Variants in PABPC4L observed in about 807,000 individuals in gnomAD.
PABPC4L encodes poly(A) binding protein cytoplasmic 4 like, also known as polyadenylate-binding protein 4-like.
For missense variants in PABPC4L, 452 were observed against 451.4 expected (o/e 1.00, Z -0.01); for synonymous variants, 169 against 164.1 (o/e 1.03, Z -0.23).
the PABPC4L span, among the ~76,000 whole-genome samples, chr4:134,178,519 A>G: frequency 6.6e-6 from 1 of 152,096 alleles, no homozygotes; most frequent in South Asian, 2.1e-4. Flanking sequence ...GCACTCGTTC[A>G]CCAGCAATGG....
the PABPC4L span, among the ~76,000 whole-genome samples, chr4:134,110,242 C>A: frequency 1.3e-5 from 2 of 151,842 alleles, no homozygotes; most frequent in African/African-American, 4.8e-5. Context: ...CTGAATAACT[C>A]TTGGAAAAGA....
the PABPC4L span, among the ~76,000 whole-genome samples, chr4:134,075,195 C>T: frequency 3.3e-5 from 5 of 151,980 alleles, no homozygotes; most frequent in African/African-American, 4.8e-5. Context: ...TTGAAAGTGT[C>T]TGATGTCAAT....
the PABPC4L span, among the ~76,000 whole-genome samples, chr4:134,050,888 T>A: frequency 2.0e-5 from 2 of 100,444 alleles, no homozygotes; most frequent in Admixed American, 1.2e-4. Context: ...TTATTTTTTT[T>A]TTTTTTTTTT....
chr4:133,950,474 A>G, the PABPC4L span, among the ~76,000 whole-genome samples: 46 of 152,280 alleles, frequency 3.0e-4, 1 homozygote, highest in East Asian at 8.1e-3. Context: ...ATAAATCCCT[A>G]TATACCCATA....
chr4:134,142,590 A>T, the PABPC4L span, among the ~76,000 whole-genome samples: 1 of 151,668 alleles, frequency 6.6e-6, no homozygotes, highest in East Asian at 1.9e-4. Flanking sequence ...GTGTAATATA[A>T]TATCACATGT....
chr4:134,187,797 A>T, the PABPC4L span, among the ~76,000 whole-genome samples: 1 of 151,636 alleles, frequency 6.6e-6, no homozygotes, highest in Non-Finnish European at 1.5e-5. Flanking sequence ...TCATTCCTTT[A>T]CTTTTAATTT....
the PABPC4L span, among the ~76,000 whole-genome samples, chr4:133,986,739 CT>C: frequency 7.5e-3 from 1,071 of 143,750 alleles, 9 homozygotes; most frequent in African/African-American, 0.022. Context: ...AGTGAGAAGA[CT>C]TTTTTTTTTT....
the PABPC4L span, among the ~76,000 whole-genome samples, chr4:133,980,966 T>C: frequency 1.3e-5 from 2 of 152,092 alleles, no homozygotes; most frequent in Non-Finnish European, 2.9e-5. Flanking sequence ...GAGACCAACC[T>C]GGCCAATATA....
the PABPC4L span, among the ~76,000 whole-genome samples, chr4:133,977,738 C>T: frequency 1.3e-5 from 2 of 152,086 alleles, no homozygotes; most frequent in African/African-American, 2.4e-5. Context: ...TTGAAAGGCT[C>T]ATGAATGCCA....
chr4:134,040,882 AG>A, the PABPC4L span, among the ~76,000 whole-genome samples: 1 of 152,296 alleles, frequency 6.6e-6, no homozygotes, highest in East Asian at 1.9e-4. Context: ...ACAACAACAA[AG>A]AAACAAAACC....
chr4:134,044,225 C>T, the PABPC4L span, among the ~76,000 whole-genome samples: 1 of 151,852 alleles, frequency 6.6e-6, no homozygotes, highest in Non-Finnish European at 1.5e-5. Flanking sequence ...AGCCACTGCA[C>T]CTGGTCTATA....
the PABPC4L span, among the ~76,000 whole-genome samples, chr4:134,046,596 G>A: frequency 9.9e-5 from 15 of 152,242 alleles, no homozygotes; most frequent in African/African-American, 3.6e-4. Flanking sequence ...TGGTCCAGTC[G>A]TTCCCTTCCC....
At chr4:134,152,944 G>A in the PABPC4L span, among the ~76,000 whole-genome samples, 1 of 152,084 alleles carries the variant, frequency 6.6e-6, no homozygotes, top group African/African-American at 2.4e-5. Flanking sequence ...AAGAGTAGGA[G>A]AGGGGTGATG....
the PABPC4L span, among the ~76,000 whole-genome samples, chr4:134,005,072 T>C: frequency 1.3e-5 from 2 of 151,808 alleles, no homozygotes; most frequent in Admixed American, 6.6e-5. Flanking sequence ...ATAATGATAA[T>C]GTAAATGTAA....
At chr4:134,031,353 C>A in the PABPC4L span, among the ~76,000 whole-genome samples, 1 of 151,864 alleles carries the variant, frequency 6.6e-6, no homozygotes, top group East Asian at 1.9e-4. Context: ...GTATTCATCT[C>A]TTTTAAGATC....
chr4:134,128,710 G>A, the PABPC4L span, among the ~76,000 whole-genome samples: 3 of 151,888 alleles, frequency 2.0e-5, no homozygotes, highest in East Asian at 1.9e-4. Context: ...TCTTCTTAAA[G>A]CATAAATCTC....
the PABPC4L span, among the ~76,000 whole-genome samples, chr4:134,189,296 G>T: frequency 4.9e-3 from 689 of 141,756 alleles, 9 homozygotes; most frequent in African/African-American, 0.018. Context: ...GAGTCTGGTT[G>T]TGATGCTTGC....
the PABPC4L span, among the ~76,000 whole-genome samples, chr4:134,051,164 T>C: frequency 6.6e-6 from 1 of 152,092 alleles, no homozygotes; most frequent in Non-Finnish European, 1.5e-5. Context: ...CATAACAGAG[T>C]ATCTTTCATG....
At chr4:133,954,519 G>T in the PABPC4L span, among the ~76,000 whole-genome samples, 6 of 151,904 alleles carry the variant, frequency 3.9e-5, no homozygotes, top group Non-Finnish European at 8.8e-5. Context: ...GTTTTTCTTT[G>T]TCGGTGGTTT....
Sources: gnomAD v4.1 joint callset for allele counts (sites outside exome capture counted in the v4.1 genomes callset) on GRCh38, gnomAD v4.1.1 for gene constraint, MANE v1.5 for transcripts, NCBI Gene and HGNC (gene_info 2026-07-23, HGNC 2026-07-21) for gene names.